Variants in TIAM2 observed in about 807,000 individuals in gnomAD.
The protein encoded by TIAM2 is rho guanine nucleotide exchange factor TIAM2.
Under a neutral mutation model 152.9 loss-of-function variants are expected in TIAM2, and 80 were observed. The observed-to-expected ratio is 0.52, with a 90% CI of 0.44 to 0.63. The LOEUF is 0.63. Among genes scored for constraint, TIAM2 ranks in the 30% least tolerant of loss-of-function variants. The pLI is 0.00. For missense variants in TIAM2, 1,965 were observed against 2,120.1 expected (o/e 0.93, Z 1.44); for synonymous variants, 804 against 838.0 (o/e 0.96, Z 0.70).
At chr6:155,175,255 T>G (rs1304139587) in intron 9 of TIAM2, among the ~76,000 whole-genome samples, 1 of 152,182 alleles carries the variant, frequency 6.6e-6, no homozygotes, top group Non-Finnish European at 1.5e-5. Flanking sequence ...GAGCACCATG[T>G]TTTCAAAAAG....
chr6:155,158,215 G>A (rs1388473637), intron 7 of TIAM2, among the ~76,000 whole-genome samples: 5 of 152,100 alleles, frequency 3.3e-5, no homozygotes. Context: ...TGGCAGGAAT[G>A]TACTTGTCAT....
chr6:155,249,959 C>A lies in TIAM2; in HGVS notation c.3941C>A (p.Thr1314Lys), dbSNP rs1018400712. Residue 1314 changes from threonine (T) to lysine (K), a missense_variant, in exon 21 of 27, where the codon ACA (threonine) becomes AAA (lysine). Coordinates refer to ENST00000682666, the MANE Select transcript of TIAM2 (RefSeq NM_012454.4). ...FDQLVAEQSG[T>K]EKEVTELSMG... ...CAGCTAGTAGCTGAGCAGAGCGGAA[C>A]AGAGAAGGAGGTCCGTGAGACATCT... The A allele has an allele frequency of 2.5e-6, 4 of 1,612,802 alleles. No individual in the cohort carries two copies. The highest frequency in any genetic ancestry group is 3.4e-6 in the Non-Finnish European group (4 of 1,179,370).
At chr6:155,026,328 G>A (rs1490870821) in intron 1 of TIAM2, among the ~76,000 whole-genome samples, 6 of 152,274 alleles carry the variant, frequency 3.9e-5, no homozygotes, top group Middle Eastern at 3.4e-3. Flanking sequence ...TGATCTTGGC[G>A]TTCTTTCTGA....
intron 1 of TIAM2, among the ~76,000 whole-genome samples, chr6:155,048,624 C>T (rs4642489): frequency 0.24 from 36,478 of 151,784 alleles, 4,820 homozygotes; most frequent in East Asian, 0.44. Context: ...CCTGGTGGCT[C>T]GAGGATGAGG....
At chr6:155,226,206 T>A (rs997131897) in intron 15 of TIAM2, among the ~76,000 whole-genome samples, 2 of 152,190 alleles carry the variant, frequency 1.3e-5, no homozygotes, top group African/African-American at 4.8e-5. Context: ...GCATCTTTGA[T>A]CCATGAAACC....
In TIAM2 at chr6:155,218,886, C is replaced by A. The variant is rs921333607; in HGVS notation, c.3168+7579C>A. ...GCCGCCCACCCGTGTTCTTGACCAT[C>A]TCAGCCGCCCACCCGTGTTCTTGAC... On this transcript the variant is annotated intron_variant, in intron 15 of 26. Transcript: ENST00000682666. This position sits in a 1 kb window ranked among gnomAD's most constrained non-coding sequence, Gnocchi z 4.5. 6.7e-6 allele frequency among the ~76,000 whole-genome samples: 1 copy of A among 150,122 alleles called. No individual in the cohort carries two copies. The highest frequency in any genetic ancestry group is 1.5e-5 in the Non-Finnish European group (1 of 67,560).
chr6:155,084,529 C>T (rs1424870329), intron 1 of TIAM2, among the ~76,000 whole-genome samples: 1 of 152,192 alleles, frequency 6.6e-6, no homozygotes, highest in Non-Finnish European at 1.5e-5. Flanking sequence ...GATCACCAGC[C>T]TAGGGAGAGC....
At chr6:155,075,100 G>A (rs1425555084) in intron 1 of TIAM2, among the ~76,000 whole-genome samples, 2 of 152,094 alleles carry the variant, frequency 1.3e-5, no homozygotes, top group Non-Finnish European at 2.9e-5. Context: ...TGCAATCCTG[G>A]CTACTCCAGG....
intron 9 of TIAM2, among the ~76,000 whole-genome samples, chr6:155,176,572 A>C (rs559238649): frequency 6.6e-6 from 1 of 152,320 alleles, no homozygotes; most frequent in Admixed American, 6.5e-5. Context: ...CGGTCAATTG[A>C]CACAGTGGAA....
At chr6:155,108,140 C>T (rs1363373455) in intron 2 of TIAM2, among the ~76,000 whole-genome samples, 1 of 152,062 alleles carries the variant, frequency 6.6e-6, no homozygotes, top group African/African-American at 2.4e-5. Context: ...TTTATACTTT[C>T]AGCATTATGA....
intron 14 of TIAM2, among the ~76,000 whole-genome samples, chr6:155,206,456 C>T (rs191517995): frequency 5.9e-5 from 9 of 152,188 alleles, no homozygotes; most frequent in East Asian, 1.9e-4. Context: ...AGGATGGTCT[C>T]GATCTCCTGA....
At chr6:155,165,889 C>A (rs7751439) in intron 9 of TIAM2, among the ~76,000 whole-genome samples, 1 of 151,930 alleles carries the variant, frequency 6.6e-6, no homozygotes, top group African/African-American at 2.4e-5. Flanking sequence ...GTATCTATCC[C>A]GGCACCCCTG....
At chr6:155,134,952 A>G (rs542558211) in intron 4 of TIAM2, among the ~76,000 whole-genome samples, 128 of 152,062 alleles carry the variant, frequency 8.4e-4, no homozygotes, top group African/African-American at 2.8e-3. Flanking sequence ...TGATCTGCCC[A>G]CCTCAGCCTC....
At chr6:155,049,126 C>T (rs899090998) in intron 1 of TIAM2, among the ~76,000 whole-genome samples, 1 of 152,112 alleles carries the variant, frequency 6.6e-6, no homozygotes, top group Non-Finnish European at 1.5e-5. Flanking sequence ...AAAGGGAGCA[C>T]GGCCCCTGTT....
chr6:155,026,706 A>T (rs1776610059), intron 1 of TIAM2, among the ~76,000 whole-genome samples: 1 of 152,236 alleles, frequency 6.6e-6, no homozygotes, highest in Non-Finnish European at 1.5e-5. Flanking sequence ...CACCTCTCCC[A>T]TGAGACCTTG....
intron 1 of TIAM2, among the ~76,000 whole-genome samples, chr6:155,021,443 G>T (rs1035691167): frequency 6.6e-6 from 1 of 152,016 alleles, no homozygotes; most frequent in African/African-American, 2.4e-5. Flanking sequence ...TATATCTTTA[G>T]TAGAGACGGG....
At chr6:155,093,945 T>A (rs563418579) in intron 2 of TIAM2, among the ~76,000 whole-genome samples, 27 of 152,310 alleles carry the variant, frequency 1.8e-4, no homozygotes, top group African/African-American at 6.0e-4. Context: ...TGACAATTTT[T>A]GTGTTTGTAT....
chr6:155,043,576 G>C (rs1777094079), intron 1 of TIAM2, among the ~76,000 whole-genome samples: 1 of 140,828 alleles, frequency 7.1e-6, no homozygotes, highest in Non-Finnish European at 1.5e-5. Context: ...TGAGGCTGCA[G>C]TAAGCAGCGA....
chr6:155,089,246 G>T (rs1778242449), intron 1 of TIAM2, among the ~76,000 whole-genome samples: 1 of 151,860 alleles, frequency 6.6e-6, no homozygotes, highest in Non-Finnish European at 1.5e-5. Flanking sequence ...GGGGGATGGA[G>T]TCTCTCTGTC....
Sources: gnomAD v4.1 joint callset for allele counts (sites outside exome capture counted in the v4.1 genomes callset) on GRCh38, gnomAD v4.1.1 for gene constraint, Gnocchi (gnomAD v3.1) non-coding constraint, MANE v1.5 for transcripts, NCBI Gene and HGNC (gene_info 2026-07-23, HGNC 2026-07-21) for gene names.